TCEA1: variants seen among roughly 807,000 people sequenced by gnomAD.
TCEA1 encodes transcription elongation factor A protein 1.
In TCEA1, 21 loss-of-function variants were observed where a neutral mutation model predicts 43.8. The ratio of observed to expected loss-of-function variants is 0.48; its 90% CI spans 0.34 to 0.69. The LOEUF is 0.69. Ranked by LOEUF, TCEA1 falls within the 30% of genes least tolerant of loss-of-function variation. The probability of loss-of-function intolerance (pLI) is 0.01; values close to 1 mark genes in which losing one functional copy is unlikely to be tolerated. For missense variants in TCEA1, 250 were observed against 365.1 expected, an observed-to-expected ratio of 0.68 and a Z score of 2.57; for synonymous variants, 104 against 117.5, an observed-to-expected ratio of 0.88 and a Z score of 0.75.
chr8:53,991,300 G>A (rs1042957125), intron 4 of TCEA1, among the ~76,000 whole-genome samples: 10 of 152,052 alleles, frequency 6.6e-5, no homozygotes, highest in African/African-American at 1.7e-4. Context: ...GGCTGAGACA[G>A]GAGAATCGCT....
Position 53,984,644 on chromosome 8 carries a change from G to A in TCEA1, c.524-127C>T, listed in dbSNP as rs866756437. ...CATGCCTGTAATCCCAGCACTTTGG[G>A]AGGCTGAGGCTGGTGGATCACGAGG... On this transcript the variant is annotated intron_variant, in intron 6 of 9. Transcript: ENST00000521604. 7 of 661,374 alleles carry A rather than the reference G, an allele frequency of 1.1e-5. No individual in the cohort carries two copies. In the South Asian group the frequency reaches 1.1e-4, roughly 10 times the overall value. 41.0% of individuals were successfully genotyped at this position (661,374 alleles called of 1,614,324 possible). A position where few individuals can be genotyped will look rare whatever the true frequency, so the allele number is the denominator to read the frequency against.
At chr8:54,007,381 A>G (rs1340563301) in intron 2 of TCEA1, among the ~76,000 whole-genome samples, 2 of 151,528 alleles carry the variant, frequency 1.3e-5, no homozygotes, top group East Asian at 3.9e-4. Context: ...GAGTCTTGCT[A>G]TGTTGCCCAG....
At chr8:53,973,467 A>G (rs1803229257) in intron 8 of TCEA1, 2 of 495,586 alleles carry the variant, frequency 4.0e-6, no homozygotes, top group African/African-American at 2.0e-5. Flanking sequence ...GTACTTTGCT[A>G]AAGAAGTTTA....
intron 1 of TCEA1, among the ~76,000 whole-genome samples, chr8:54,020,809 T>C (rs566720280): frequency 4.7e-4 from 71 of 152,306 alleles, no homozygotes; most frequent in African/African-American, 1.6e-3. Context: ...ACTTCATAGA[T>C]GGAAGAAAAA....
intron 8 of TCEA1, among the ~76,000 whole-genome samples, chr8:53,977,006 T>G (rs1446071514): frequency 6.6e-6 from 1 of 152,218 alleles, no homozygotes; most frequent in Non-Finnish European, 1.5e-5. Flanking sequence ...CATATAACAT[T>G]TTCCATATGT....
intron 8 of TCEA1, chr8:53,972,616 C>A (rs1271178572): frequency 3.4e-6 from 2 of 589,120 alleles, no homozygotes; most frequent in Non-Finnish European, 6.6e-6. Context: ...AAAATATATT[C>A]TTCAGAGTTT....
At chr8:53,969,819 T>C (rs1803103791) in intron 9 of TCEA1, among the ~76,000 whole-genome samples, 1 of 152,296 alleles carries the variant, frequency 6.6e-6, no homozygotes, top group Non-Finnish European at 1.5e-5. Context: ...TGCTCCCAAA[T>C]TTAAATTTTA....
rs1336427312 is a variant in TCEA1 at position 53,990,357 on chromosome 8, TTTC to T, written c.321-2101_321-2099del. ...GTGCCAGGCCCCAAAACTCATTTCT[TTTC>T]TTTTTTTTTTTTTTTTTCTTTTGAG... On this transcript the variant is annotated intron_variant, in intron 4 of 9. Transcript: ENST00000521604. Among the ~76,000 whole-genome samples, 4 of 149,352 alleles carry T rather than the reference TTTC, an allele frequency of 2.7e-5. No homozygotes were observed. In the East Asian group the frequency reaches 5.8e-4, roughly 22 times the overall value.
intron 1 of TCEA1, among the ~76,000 whole-genome samples, chr8:54,010,815 CTT>C (rs574178749): frequency 4.1e-5 from 6 of 146,394 alleles, no homozygotes; most frequent in African/African-American, 9.9e-5. Context: ...TTTATTATAA[CTT>C]TTTTTTTTTT....
intron 2 of TCEA1, among the ~76,000 whole-genome samples, chr8:54,008,790 C>A (rs762545046): frequency 6.6e-6 from 1 of 151,424 alleles, no homozygotes; most frequent in Non-Finnish European, 1.5e-5. Context: ...AAATAAAAAC[C>A]ACCATGAGAT....
intron 3 of TCEA1, among the ~76,000 whole-genome samples, chr8:53,997,843 G>A (rs538985022): frequency 6.6e-6 from 1 of 152,256 alleles, no homozygotes; most frequent in East Asian, 1.9e-4. Flanking sequence ...GGTTAGCCTA[G>A]GCAACATAGC....
chr8:53,978,218 G>C (rs1467674973), intron 8 of TCEA1, among the ~76,000 whole-genome samples: 1 of 151,988 alleles, frequency 6.6e-6, no homozygotes, highest in African/African-American at 2.4e-5. Context: ...GGACAATGCA[G>C]CAAGACCCCA....
chr8:54,017,815 G>A (rs977530451), intron 1 of TCEA1, among the ~76,000 whole-genome samples: 4 of 152,170 alleles, frequency 2.6e-5, no homozygotes, highest in African/African-American at 9.7e-5. Context: ...AGCTACTCGG[G>A]AAGCTGAGGT....
At chr8:53,991,719 A>T (rs1803888205) in intron 4 of TCEA1, among the ~76,000 whole-genome samples, 1 of 151,574 alleles carries the variant, frequency 6.6e-6, no homozygotes, top group Non-Finnish European at 1.5e-5. Flanking sequence ...ATAATAATAA[A>T]ATAATAAAAA....
intron 9 of TCEA1, among the ~76,000 whole-genome samples, chr8:53,969,239 G>A (rs766614983): frequency 5.9e-5 from 9 of 152,142 alleles, no homozygotes; most frequent in Non-Finnish European, 1.2e-4. Context: ...GCAGTGAGCT[G>A]AGATAGCGCC....
rs1002310491 is a variant in TCEA1 at position 53,993,511 on chromosome 8, A to AT, written c.320+156_320+157insA. The AT allele has an allele frequency of 1.7e-5, 9 of 535,626 alleles. No individual in the cohort carries two copies. In the African/African-American group the frequency reaches 1.7e-4, roughly 10 times the overall value. 33.2% of individuals were successfully genotyped at this position (535,626 alleles called of 1,614,324 possible). On this transcript the variant is annotated intron_variant, in intron 4 of 9. Coordinates refer to ENST00000521604, the MANE Select transcript of TCEA1 (RefSeq NM_006756.4). ...TCAAATGTTCAAGAAATCTGAAAAA[A>AT]AAATAAATTAGAATACATGGCTACA...
At chr8:54,017,541 T>C (rs1187212941) in intron 1 of TCEA1, among the ~76,000 whole-genome samples, 1 of 152,174 alleles carries the variant, frequency 6.6e-6, no homozygotes, top group Non-Finnish European at 1.5e-5. Context: ...TCCCAACATT[T>C]TGGGAGGCCA....
intron 6 of TCEA1, among the ~76,000 whole-genome samples, chr8:53,984,802 G>A (rs1445699656): frequency 6.6e-6 from 1 of 151,878 alleles, no homozygotes; most frequent in African/African-American, 2.4e-5. Context: ...ACAACCACTT[G>A]ACCTGGGAGG....
chr8:53,981,364 A>G (rs1257724866), intron 7 of TCEA1, among the ~76,000 whole-genome samples: 1 of 152,322 alleles, frequency 6.6e-6, no homozygotes, highest in East Asian at 1.9e-4. Flanking sequence ...GCCTCAAAGG[A>G]CTTTGAAGGA....
Sources: allele counts gnomAD v4.1 joint callset (sites outside exome capture counted in the v4.1 genomes callset), GRCh38; gene constraint gnomAD v4.1.1; transcripts MANE v1.5; gene names NCBI Gene and HGNC (gene_info 2026-07-23, HGNC 2026-07-21).